The following RNF17 variants were observed in gnomAD, a reference collection of about 807,000 sequenced individuals.
The protein encoded by RNF17 is ring finger protein 17, also known as spermatogenesis associated 23.
In RNF17, 31 loss-of-function variants were observed where a neutral mutation model predicts 200.5. The observed-to-expected ratio is 0.15, with a 90% CI of 0.12 to 0.21. RNF17 has a LOEUF of 0.21. Among genes scored for constraint, RNF17 ranks in the 10% least tolerant of loss-of-function variants. RNF17 has a pLI of 1.00. For synonymous variants in RNF17, 606 were observed against 637.8 expected (o/e 0.95, Z 0.75); for missense variants, 1,628 against 1,905.1 (o/e 0.85, Z 2.71).
At chr13:24,887,889 T>A in the RNF17 span, among the ~76,000 whole-genome samples, 1 of 152,144 alleles carries the variant, frequency 6.6e-6, no homozygotes, top group Non-Finnish European at 1.5e-5. Flanking sequence ...CTGCAAGTCT[T>A]CTGTCTCCAA....
At chr13:24,767,946 T>C (rs1879980390) in intron 2 of RNF17, among the ~76,000 whole-genome samples, 1 of 152,176 alleles carries the variant, frequency 6.6e-6, no homozygotes, top group South Asian at 2.1e-4. Context: ...ATTATGTCTT[T>C]TGTTTATTTT....
the RNF17 span, among the ~76,000 whole-genome samples, chr13:24,758,061 T>C: frequency 6.6e-6 from 1 of 152,194 alleles, no homozygotes; most frequent in African/African-American, 2.4e-5. Context: ...TCCACCATGA[T>C]TGTAAGTTGC....
chr13:24,832,071 C>A, intron 18 of RNF17, 93 bp downstream of exon 18: 3 of 859,364 alleles, frequency 3.5e-6, no homozygotes, highest in South Asian at 2.0e-5. Context: ...ATTCAGTGTG[C>A]CATCAGTAGT....
At chr13:24,778,830 T>A (rs1177641715) in intron 4 of RNF17, among the ~76,000 whole-genome samples, 2 of 152,214 alleles carry the variant, frequency 1.3e-5, no homozygotes, top group Non-Finnish European at 2.9e-5. Flanking sequence ...CCTGATAACT[T>A]TAAATAATGT....
chr13:24,820,314 G>C (rs1230312875), intron 15 of RNF17, among the ~76,000 whole-genome samples: 1 of 151,774 alleles, frequency 6.6e-6, no homozygotes, highest in Non-Finnish European at 1.5e-5. Context: ...TAGAGATGGG[G>C]TTTCACCATG....
At chr13:24,753,307 C>T in the RNF17 span, among the ~76,000 whole-genome samples, 1 of 152,104 alleles carries the variant, frequency 6.6e-6, no homozygotes, top group Non-Finnish European at 1.5e-5. Context: ...GTATTGATAA[C>T]CTAAGTGTGG....
At chr13:24,885,070 A>G in the RNF17 span, among the ~76,000 whole-genome samples, 1 of 152,154 alleles carries the variant, frequency 6.6e-6, no homozygotes. Flanking sequence ...GAAGCTTTTA[A>G]GAAGTGCCAA....
upstream of RNF17, among the ~76,000 whole-genome samples, chr13:24,762,673 C>T (rs554671879): frequency 6.6e-6 from 1 of 152,290 alleles, no homozygotes; most frequent in East Asian, 1.9e-4. Flanking sequence ...TTTCTAGTTA[C>T]CCACACACAG....
rs866342503 is a variant in RNF17 at position 24,809,509 on chromosome 13, C to T, written c.2091+5080C>T. Among the ~76,000 whole-genome samples the T allele has an allele frequency of 9.1e-4, 139 of 152,040 alleles. 2 individuals are homozygous for T. Among genetic ancestry groups the T allele is most frequent in the African/African-American group, 3.2e-3 (133 of 41,440 alleles). ...GATATCCCCTTTATCATTTTTATTG[C>T]GTCTATTTGATTCTTCTCTCTTTTT... is the stretch of plus-strand genomic sequence containing the variant. On this transcript the variant is annotated intron_variant, in intron 15 of 35. Transcript: ENST00000255324.
intron 14 of RNF17, among the ~76,000 whole-genome samples, chr13:24,803,459 C>G (rs576225201): frequency 6.6e-6 from 1 of 152,096 alleles, no homozygotes; most frequent in East Asian, 1.9e-4. Context: ...CCACCACTCC[C>G]GGCTAATTTT....
At chr13:24,860,316 A>G (rs559573567) in intron 26 of RNF17, among the ~76,000 whole-genome samples, 1 of 152,204 alleles carries the variant, frequency 6.6e-6, no homozygotes, top group East Asian at 1.9e-4. Context: ...TGCTGTCCAA[A>G]TATCTGTTTA....
intron 15 of RNF17, among the ~76,000 whole-genome samples, chr13:24,812,942 T>A (rs7989037): frequency 0.98 from 149,384 of 152,058 alleles, 73,418 homozygotes; most frequent in Middle Eastern, 1. Flanking sequence ...TCGACCTCCC[T>A]AAGTGCTGGG....
At chr13:24,799,687 T>A (rs1885007478) in intron 12 of RNF17, 103 bp downstream of exon 12, 1 of 694,330 alleles carries the variant, frequency 1.4e-6, no homozygotes, top group African/African-American at 1.8e-5. Context: ...GAGTAATTTG[T>A]CATTCTTAAC....
chr13:24,768,520 G>A (rs1593202433), intron 2 of RNF17, among the ~76,000 whole-genome samples: 1 of 152,046 alleles, frequency 6.6e-6, no homozygotes, highest in Non-Finnish European at 1.5e-5. Context: ...TCCTCACCTC[G>A]TGATCCGCCC....
At chr13:24,820,528 CG>C (rs1887930840) in intron 15 of RNF17, among the ~76,000 whole-genome samples, 1 of 151,832 alleles carries the variant, frequency 6.6e-6, no homozygotes, top group Non-Finnish European at 1.5e-5. Flanking sequence ...CTCTGCCTCC[CG>C]GGTTCAAGCA....
intron 3 of RNF17, 99 bp downstream of exon 3, chr13:24,775,003 T>C: frequency 1.3e-6 from 1 of 752,314 alleles, no homozygotes; most frequent in South Asian, 2.0e-5. Context: ...TCTGCATTTC[T>C]AACCTACTGT....
At chr13:24,765,322 G>A (rs930902753) in intron 1 of RNF17, among the ~76,000 whole-genome samples, 1 of 152,174 alleles carries the variant, frequency 6.6e-6, no homozygotes, top group African/African-American at 2.4e-5. Context: ...GCCGGTTCAA[G>A]TTATTTTAAT....
At chr13:24,885,404 T>G in the RNF17 span, 1 of 1,549,220 alleles carries the variant, frequency 6.5e-7, no homozygotes, top group South Asian at 1.1e-5. Context: ...CACAACACAT[T>G]TCAAGCAGCT....
intron 3 of RNF17, among the ~76,000 whole-genome samples, chr13:24,775,989 G>A (rs1881510503): frequency 6.6e-6 from 1 of 152,100 alleles, no homozygotes; most frequent in African/African-American, 2.4e-5. Flanking sequence ...GTACTCAGAT[G>A]GTAATTTGTA....
Sources: allele counts gnomAD v4.1 joint callset (sites outside exome capture counted in the v4.1 genomes callset), GRCh38; gene constraint gnomAD v4.1.1; transcripts MANE v1.5; gene names NCBI Gene and HGNC (gene_info 2026-07-23, HGNC 2026-07-21).